Variants in THSD7A observed in about 807,000 individuals in gnomAD.
The protein encoded by THSD7A is thrombospondin type-1 domain-containing protein 7A.
A neutral mutation model predicts 231.3 loss-of-function variants in THSD7A; 96 were observed. That is an observed-to-expected ratio of 0.41 (90% CI 0.35 to 0.49). The LOEUF (loss-of-function observed/expected upper bound fraction) is 0.49, where lower values mean the gene tolerates loss of function less well. Among genes scored for constraint, THSD7A ranks in the 20% least tolerant of loss-of-function variants. The pLI, the probability that THSD7A is intolerant of heterozygous loss-of-function variation, is 0.05. For missense variants in THSD7A, 2,290 were observed against 2,070.2 expected (o/e 1.11, Z -2.06); for synonymous variants, 940 against 743.3 (o/e 1.26, Z -4.30).
intron 1 of THSD7A, among the ~76,000 whole-genome samples, chr7:11,727,477 T>TA (rs2128155847): frequency 6.6e-6 from 1 of 152,058 alleles, no homozygotes; most frequent in Non-Finnish European, 1.5e-5. Flanking sequence ...AATAAATAAA[T>TA]CACCTATAGA....
At chr7:11,750,412 G>A (rs759764547) in intron 1 of THSD7A, among the ~76,000 whole-genome samples, 11 of 151,810 alleles carry the variant, frequency 7.2e-5, no homozygotes, top group Admixed American at 2.0e-4. Context: ...GAATTCGTTC[G>A]AAAAAAGGAA....
At chr7:11,605,621 T>C (rs1004492887) in intron 2 of THSD7A, among the ~76,000 whole-genome samples, 1 of 152,180 alleles carries the variant, frequency 6.6e-6, no homozygotes. Context: ...AGCTAACATT[T>C]ACACTTAATC....
Position 11,575,637 on chromosome 7 carries a change from G to A in THSD7A, c.1453+14823C>T, listed in dbSNP as rs117800784. Reference sequence around the variant, plus strand: ...AACGGAACTCTCTGCCTCTATCAAAGCTCAGAGGAGGATTGCCTGAGGGAA... The same window carrying A: ...AACGGAACTCTCTGCCTCTATCAAAACTCAGAGGAGGATTGCCTGAGGGAA... On this transcript the variant is annotated intron_variant, in intron 4 of 27. Transcript: ENST00000423059. Among the ~76,000 whole-genome samples, 933 of 152,244 alleles carry A rather than the reference G, an allele frequency of 6.1e-3. 36 individuals are homozygous for A. The highest frequency in any genetic ancestry group is 0.052 in the Admixed American group (796 of 15,286).
chr7:11,786,860 T>A (rs948149454), intron 1 of THSD7A, among the ~76,000 whole-genome samples: 6 of 151,476 alleles, frequency 4.0e-5, no homozygotes, highest in African/African-American at 1.5e-4. Flanking sequence ...AATTAAAACA[T>A]CAAACAAATT....
At chr7:11,826,894 C>T (rs79092638) in intron 1 of THSD7A, among the ~76,000 whole-genome samples, 232 of 151,724 alleles carry the variant, frequency 1.5e-3, no homozygotes, top group African/African-American at 5.0e-3. Flanking sequence ...AATATAAATG[C>T]TATGCCTCTT....
chr7:11,473,275 GGAACACTAAGGAGTAGCT>G (rs1296965813), intron 8 of THSD7A, among the ~76,000 whole-genome samples: 1 of 151,906 alleles, frequency 6.6e-6, no homozygotes, highest in Non-Finnish European at 1.5e-5. Context: ...TCATTTTCTT[GGAACACTAAGGAGTAGCT>G]GAAATTCTTA....
intron 1 of THSD7A, among the ~76,000 whole-genome samples, chr7:11,747,386 G>C (rs2355078): frequency 6.6e-6 from 1 of 151,724 alleles, no homozygotes; most frequent in Non-Finnish European, 1.5e-5. Context: ...CCTCTCCGTT[G>C]AGTGAGTTTA....
At chr7:11,527,593 T>C (rs1408229386) in intron 6 of THSD7A, among the ~76,000 whole-genome samples, 1 of 152,190 alleles carries the variant, frequency 6.6e-6, no homozygotes, top group African/African-American at 2.4e-5. Flanking sequence ...GACAATTAAC[T>C]TGTTTTGAAA....
At chr7:11,714,199 TAATA>T (rs920814641) in intron 1 of THSD7A, among the ~76,000 whole-genome samples, 5 of 151,236 alleles carry the variant, frequency 3.3e-5, no homozygotes, top group African/African-American at 4.8e-5. Flanking sequence ...AATAATAGTA[TAATA>T]AATTAATTAT....
chr7:11,575,513 C>CATG (rs1790857233), intron 4 of THSD7A, among the ~76,000 whole-genome samples: 2 of 152,150 alleles, frequency 1.3e-5, no homozygotes, highest in African/African-American at 2.4e-5. Context: ...CTTATCCTAT[C>CATG]CTCACCGCAA....
intron 1 of THSD7A, among the ~76,000 whole-genome samples, chr7:11,744,740 C>A (rs1195978394): frequency 6.6e-6 from 1 of 151,870 alleles, no homozygotes; most frequent in Admixed American, 6.6e-5. Context: ...TGGTTTCCAG[C>A]TTCATCCATG....
chr7:11,376,740 A>G, intron 26 of THSD7A, 83 bp from the exon 27 acceptor site: 1 of 960,312 alleles, frequency 1.0e-6, no homozygotes, highest in Non-Finnish European at 1.5e-6. Flanking sequence ...ATGATCAGTC[A>G]TATATGACCA....
intron 4 of THSD7A, among the ~76,000 whole-genome samples, chr7:11,567,265 C>A (rs12699234): frequency 6.6e-6 from 1 of 151,490 alleles, no homozygotes. Context: ...CAAGACACTT[C>A]CCCCTCAAGG....
At chr7:11,743,357 G>A (rs918995760) in intron 1 of THSD7A, among the ~76,000 whole-genome samples, 1 of 151,808 alleles carries the variant, frequency 6.6e-6, no homozygotes, top group Non-Finnish European at 1.5e-5. Flanking sequence ...ATCGTCCACT[G>A]AGAATATTCA....
chr7:11,549,392 T>C (rs903943430), intron 4 of THSD7A, among the ~76,000 whole-genome samples: 1 of 152,140 alleles, frequency 6.6e-6, no homozygotes, highest in African/African-American at 2.4e-5. Flanking sequence ...GATTTAGAAC[T>C]AGAAATACCA....
chr7:11,482,298 A>G (rs1398729213), intron 6 of THSD7A, among the ~76,000 whole-genome samples: 1 of 152,144 alleles, frequency 6.6e-6, no homozygotes, highest in Admixed American at 6.5e-5. Flanking sequence ...TTGTACTCTT[A>G]AGTTGTAATA....
intron 2 of THSD7A, among the ~76,000 whole-genome samples, chr7:11,628,660 T>C (rs142988925): frequency 0.011 from 1,674 of 152,328 alleles, 19 homozygotes; most frequent in Non-Finnish European, 0.018. Context: ...ATGATCTTTG[T>C]TTTGTCTTTT....
chr7:11,394,113 G>A (rs1383884985), intron 23 of THSD7A, among the ~76,000 whole-genome samples: 3 of 152,190 alleles, frequency 2.0e-5, no homozygotes, highest in Admixed American at 2.0e-4. Flanking sequence ...AGGGCAGCCA[G>A]ATAGAAAGGT....
chr7:11,403,224 G>C (rs1783469157), intron 22 of THSD7A, among the ~76,000 whole-genome samples: 1 of 152,124 alleles, frequency 6.6e-6, no homozygotes, highest in South Asian at 2.1e-4. Flanking sequence ...GAAGGTGACT[G>C]GTATTAGCAG....
Sources: gnomAD v4.1 joint callset for allele counts (sites outside exome capture counted in the v4.1 genomes callset) on GRCh38, gnomAD v4.1.1 for gene constraint, MANE v1.5 for transcripts, NCBI Gene and HGNC (gene_info 2026-07-23, HGNC 2026-07-21) for gene names.